The following FGF10 variants were observed in gnomAD, a reference collection of about 807,000 sequenced individuals.
FGF10 encodes the protein fibroblast growth factor 10.
A neutral mutation model predicts 19.8 loss-of-function variants in FGF10; 2 were observed. The observed-to-expected ratio is 0.10, with a 90% CI of 0.04 to 0.32. The LOEUF (loss-of-function observed/expected upper bound fraction) is 0.32, where lower values mean the gene tolerates loss of function less well. Among genes scored for constraint, FGF10 ranks in the 10% least tolerant of loss-of-function variants. FGF10 has a pLI of 1.00. For missense variants in FGF10, 191 were observed against 246.3 expected, an observed-to-expected ratio of 0.78 and a Z score of 1.50; for synonymous variants, 112 against 94.0, an observed-to-expected ratio of 1.19 and a Z score of -1.10.
At chr5:44,331,713 T>A (rs1258741155) in intron 1 of FGF10, among the ~76,000 whole-genome samples, 1 of 152,116 alleles carries the variant, frequency 6.6e-6, no homozygotes, top group East Asian at 1.9e-4. Context: ...CACAATGTTG[T>A]TGATCCCATT....
chr5:44,376,523 A>AAAAAAAAAAAAAAAAAAAAAAAAT (rs1218056445), intron 1 of FGF10, among the ~76,000 whole-genome samples: 1 of 148,232 alleles, frequency 6.7e-6, no homozygotes, highest in Non-Finnish European at 1.5e-5. Context: ...AAAAACAAAA[A>AAAAAAAAAAAAAAAAAAAAAAAAT]ACCCACAACT....
intron 1 of FGF10, among the ~76,000 whole-genome samples, chr5:44,322,285 G>T (rs542392815): frequency 2.4e-4 from 36 of 152,304 alleles, no homozygotes; most frequent in African/African-American, 8.4e-4. Flanking sequence ...TGAGAACTGT[G>T]TTCAAGTCAG....
At chr5:44,325,944 C>T (rs973795891) in intron 1 of FGF10, among the ~76,000 whole-genome samples, 1 of 151,994 alleles carries the variant, frequency 6.6e-6, no homozygotes, top group Admixed American at 6.6e-5. Flanking sequence ...AAATTCAGTA[C>T]CCATCATACA....
chr5:44,378,533 A>G (rs776934442), intron 1 of FGF10, among the ~76,000 whole-genome samples: 3 of 152,024 alleles, frequency 2.0e-5, no homozygotes, highest in South Asian at 2.1e-4. Flanking sequence ...CCGGGTTCAC[A>G]CCATTCTCCT....
At chr5:44,376,958 G>A (rs1384449) in intron 1 of FGF10, among the ~76,000 whole-genome samples, 114,876 of 152,066 alleles carry the variant, frequency 0.76, 43,604 homozygotes, top group Middle Eastern at 0.82. Context: ...GTTTAGATCC[G>A]CAAATGTAAG....
chr5:44,335,484 C>G (rs954486486), intron 1 of FGF10, among the ~76,000 whole-genome samples: 3 of 152,124 alleles, frequency 2.0e-5, no homozygotes, highest in African/African-American at 7.2e-5. Context: ...CTACTGGTAA[C>G]AATCATTCAG....
At chr5:44,368,772 C>A (rs1400931361) in intron 1 of FGF10, among the ~76,000 whole-genome samples, 1 of 152,006 alleles carries the variant, frequency 6.6e-6, no homozygotes, top group African/African-American at 2.4e-5. Flanking sequence ...TGAAAGGGAT[C>A]CTCCCGCCTC....
At chr5:44,350,593 GGT>G (rs1428800133) in intron 1 of FGF10, among the ~76,000 whole-genome samples, 4 of 150,404 alleles carry the variant, frequency 2.7e-5, no homozygotes, top group African/African-American at 9.7e-5. Flanking sequence ...ACAACACATA[GGT>G]GTGTGTATAT....
intron 1 of FGF10, among the ~76,000 whole-genome samples, chr5:44,356,511 G>A (rs1277773707): frequency 6.6e-6 from 1 of 151,312 alleles, no homozygotes; most frequent in Middle Eastern, 3.2e-3. Context: ...CTTCTTTGGA[G>A]AGTAATAATG....
chr5:44,335,829 A>G (rs542604151), intron 1 of FGF10, among the ~76,000 whole-genome samples: 2 of 152,226 alleles, frequency 1.3e-5, no homozygotes, highest in East Asian at 1.9e-4. Flanking sequence ...TACCCATTTT[A>G]GTAACTCATA....
intron 1 of FGF10, among the ~76,000 whole-genome samples, chr5:44,329,831 C>T (rs954809879): frequency 6.6e-6 from 1 of 152,108 alleles, no homozygotes; most frequent in African/African-American, 2.4e-5. Flanking sequence ...TCTTTAGTCC[C>T]TACTGAATCT....
At chr5:44,363,911 T>A (rs1032083253) in intron 1 of FGF10, among the ~76,000 whole-genome samples, 1 of 151,806 alleles carries the variant, frequency 6.6e-6, no homozygotes, top group East Asian at 1.9e-4. Flanking sequence ...CTGGATCACA[T>A]GGTAATGAAG....
At chr5:44,351,016 A>G (rs1430699597) in intron 1 of FGF10, among the ~76,000 whole-genome samples, 1 of 151,526 alleles carries the variant, frequency 6.6e-6, no homozygotes, top group Non-Finnish European at 1.5e-5. Flanking sequence ...ATTAATTAAA[A>G]TTAACCTTCT....
In FGF10 at chr5:44,388,401, C is replaced by T. The variant is rs1742159040; in HGVS notation, c.282G>A (p.Lys94=). 1.9e-6 allele frequency: 3 copies of T among 1,613,626 alleles called. No homozygotes were observed. In the African/African-American group the frequency reaches 4.0e-5, roughly 22 times the overall value. Residue 94 remains lysine (K), a synonymous_variant, in exon 1 of 3, where the codon AAG becomes AAA. Coordinates refer to ENST00000264664, the MANE Select transcript of FGF10 (RefSeq NM_004465.2). ...TCTTGGTCCCGCTGACCTTCCCGTT[C>T]TTCTCAATCTTGAGAAAGTACTTGG... ...SFTKYFLKIE[K]NGKVSGTKKE...
At chr5:44,322,109 T>C (rs558844509) in intron 1 of FGF10, among the ~76,000 whole-genome samples, 24 of 152,208 alleles carry the variant, frequency 1.6e-4, no homozygotes, top group African/African-American at 5.8e-4. Context: ...TAAAGGTAGA[T>C]CCCTGGCCAG....
In FGF10 at chr5:44,304,804, AC is replaced by A; in HGVS notation, c.*190del. On this transcript the variant is annotated 3_prime_UTR_variant, in exon 3 of 3. Transcript: ENST00000264664. Reference sequence around the variant, plus strand: ...GCCTATATCTTGATTATAAGACATGACACAGAACTAATTAAAAGAACATCAT... The same window carrying A: ...GCCTATATCTTGATTATAAGACATGAACAGAACTAATTAAAAGAACATCAT... 1 of 611,668 alleles carries A rather than the reference AC, an allele frequency of 1.6e-6. No individual in the cohort carries two copies. Among genetic ancestry groups the A allele is most frequent in the Non-Finnish European group, 2.9e-6 (1 of 341,872 alleles). 37.9% of individuals were successfully genotyped at this position (611,668 alleles called of 1,614,324 possible). A position where few individuals can be genotyped will look rare whatever the true frequency, so the allele number is the denominator to read the frequency against.
chr5:44,356,566 T>C (rs1296730014), intron 1 of FGF10, among the ~76,000 whole-genome samples: 2 of 151,386 alleles, frequency 1.3e-5, no homozygotes, highest in Admixed American at 6.6e-5. Flanking sequence ...CAATGGAGTT[T>C]GTGTCTGTTC....
chr5:44,316,418 A>G (rs1453538906), intron 1 of FGF10, among the ~76,000 whole-genome samples: 1 of 152,288 alleles, frequency 6.6e-6, no homozygotes, highest in African/African-American at 2.4e-5. Flanking sequence ...GTTCTCAAAT[A>G]TGAACGTGCA....
intron 1 of FGF10, among the ~76,000 whole-genome samples, chr5:44,331,504 T>C (rs1740735164): frequency 6.6e-6 from 1 of 152,196 alleles, no homozygotes; most frequent in African/African-American, 2.4e-5. Flanking sequence ...AATTTTCATG[T>C]TTGATTCAAT....
Sources: gnomAD v4.1 joint callset for allele counts (sites outside exome capture counted in the v4.1 genomes callset) on GRCh38, gnomAD v4.1.1 for gene constraint, MANE v1.5 for transcripts, NCBI Gene and HGNC (gene_info 2026-07-23, HGNC 2026-07-21) for gene names.